Variants in CD38 observed in about 807,000 individuals in gnomAD.
The protein encoded by CD38 is CD38 molecule.
Under a neutral mutation model 36.3 loss-of-function variants are expected in CD38, and 31 were observed. That is an observed-to-expected ratio of 0.85 (90% CI 0.64 to 1.15). The LOEUF is 1.15. Among genes scored for constraint, CD38 ranks in the 50% most tolerant of loss-of-function variants. The pLI, the probability that CD38 is intolerant of heterozygous loss-of-function variation, is 0.00. For synonymous variants in CD38, 131 were observed against 135.2 expected, an observed-to-expected ratio of 0.97 and a Z score of 0.22; for missense variants, 380 against 371.9, an observed-to-expected ratio of 1.02 and a Z score of -0.18.
chr4:15,829,630 T>G (rs556517157), intron 3 of CD38, among the ~76,000 whole-genome samples: 1 of 152,316 alleles, frequency 6.6e-6, no homozygotes, highest in African/African-American at 2.4e-5. Context: ...TTTTTTAAAA[T>G]GTACAACAAA....
rs1207065009 is a variant in CD38 at position 15,788,215 on chromosome 4, A to G, written c.233+9568A>G. On this transcript the variant is annotated intron_variant, in intron 1 of 7. Transcript: ENST00000226279. ...TCCTAGTACTGTGCCCATGATGGGC[A>G]TTGCTGATTGTTCAGAGCATATTGG... Among the ~76,000 whole-genome samples the G allele has an allele frequency of 2.6e-5, 4 of 152,188 alleles. No homozygotes were observed. The East Asian group carries it at 7.7e-4, about 29-fold the overall frequency.
At chr4:15,809,988 C>T (rs1355083669) in intron 1 of CD38, among the ~76,000 whole-genome samples, 1 of 152,100 alleles carries the variant, frequency 6.6e-6, no homozygotes, top group African/African-American at 2.4e-5. Context: ...TTCATAAAAC[C>T]TGCCCCCAGA....
chr4:15,787,694 C>T (rs3775955), intron 1 of CD38, among the ~76,000 whole-genome samples: 65,118 of 152,024 alleles, frequency 0.43, 16,070 homozygotes, highest in African/African-American at 0.69. Flanking sequence ...GCCGGGTCTG[C>T]CCTGCAGACC....
chr4:15,807,469 T>C (rs1723366884), intron 1 of CD38, among the ~76,000 whole-genome samples: 1 of 152,228 alleles, frequency 6.6e-6, no homozygotes, highest in African/African-American at 2.4e-5. Context: ...TGTCTGATGC[T>C]GGTGTCCCAT....
intron 2 of CD38, among the ~76,000 whole-genome samples, chr4:15,818,403 G>A (rs1723653362): frequency 6.6e-6 from 1 of 152,156 alleles, no homozygotes; most frequent in South Asian, 2.1e-4. Flanking sequence ...GCAGCTGTGG[G>A]CACAGCTTCA....
intron 2 of CD38, among the ~76,000 whole-genome samples, chr4:15,822,277 C>G (rs554738440): frequency 6.6e-6 from 1 of 152,102 alleles, no homozygotes; most frequent in South Asian, 2.1e-4. Flanking sequence ...CCTTGAAAAC[C>G]GGCACAAGAC....
intron 1 of CD38, 97 bp from the exon 2 acceptor site, chr4:15,816,414 T>G: frequency 2.9e-6 from 3 of 1,040,298 alleles, no homozygotes; most frequent in Non-Finnish European, 2.8e-6. Flanking sequence ...TGGCATATAA[T>G]AGATGCTTCC....
Position 15,840,009 on chromosome 4 carries a change from TGTTTC to T in CD38, c.660-16_660-12del. The T allele has an allele frequency of 1.3e-6, 2 of 1,591,050 alleles. No homozygotes were observed. The highest frequency in any genetic ancestry group is 1.7e-6 in the Non-Finnish European group (2 of 1,158,972). ...TTTGGGGTTGATGTTTGGGGTTCTT[TGTTTC>T]TTCTATTTTAGCACTTTTGGGAGTG... On this transcript the variant is annotated splice_polypyrimidine_tract_variant and intron_variant, in intron 5 of 7. Transcript: ENST00000226279.
intron 2 of CD38, among the ~76,000 whole-genome samples, chr4:15,817,619 G>C (rs2148922510): frequency 6.6e-6 from 1 of 152,310 alleles, no homozygotes; most frequent in South Asian, 2.1e-4. Flanking sequence ...CATTTTACAG[G>C]TGTAGAAAGT....
At chr4:15,822,230 A>G (rs1274561827) in intron 2 of CD38, among the ~76,000 whole-genome samples, 1 of 152,124 alleles carries the variant, frequency 6.6e-6, no homozygotes, top group Non-Finnish European at 1.5e-5. Flanking sequence ...ACCCACAAGC[A>G]ATATCATACT....
At chr4:15,824,388 A>G (rs1723801905) in intron 2 of CD38, among the ~76,000 whole-genome samples, 2 of 152,076 alleles carry the variant, frequency 1.3e-5, no homozygotes, top group South Asian at 2.1e-4. Flanking sequence ...GACTCCCTGT[A>G]CCTTTAAGAG....
In CD38 at chr4:15,778,603, C is replaced by G. The variant is rs1423396928; in HGVS notation, c.189C>G (p.Val63=). The change falls in exon 1 of 8, where the codon GTC becomes GTG. Residue 63 remains valine, a synonymous_variant. Coordinates refer to ENST00000226279, the MANE Select transcript of CD38 (RefSeq NM_001775.4). This position sits in a 1 kb window ranked among gnomAD's most constrained non-coding sequence, Gnocchi z 4.9. The part of the protein sequence containing the change: ...PGTTKRFPET[V]LARCVKYTEI... ...CCACCAAGCGCTTTCCCGAGACCGTCCTGGCGCGATGCGTCAAGTACACTG... is the reference window on the plus strand; with the variant it reads ...CCACCAAGCGCTTTCCCGAGACCGTGCTGGCGCGATGCGTCAAGTACACTG... The G allele has an allele frequency of 1.9e-6, 3 of 1,613,760 alleles. No homozygotes were observed. Among genetic ancestry groups the G allele is most frequent in the Non-Finnish European group, 2.5e-6 (3 of 1,179,968 alleles).
intron 1 of CD38, among the ~76,000 whole-genome samples, chr4:15,815,848 C>T (rs142355511): frequency 4.6e-5 from 7 of 152,108 alleles, no homozygotes; most frequent in East Asian, 3.8e-4. Context: ...TGCCACTTTT[C>T]GATAGGAATG....
At chr4:15,834,116 C>A in intron 3 of CD38, 101 bp from the exon 4 acceptor site, 1 of 753,910 alleles carries the variant, frequency 1.3e-6, no homozygotes, top group Non-Finnish European at 2.4e-6. Flanking sequence ...GGCAGTGACA[C>A]ATTGGAAAAT....
chr4:15,816,081 T>C (rs1723588259), intron 1 of CD38, among the ~76,000 whole-genome samples: 1 of 152,206 alleles, frequency 6.6e-6, no homozygotes, highest in African/African-American at 2.4e-5. Flanking sequence ...GATTTGTGTA[T>C]GTTGAACCAG....
intron 3 of CD38, among the ~76,000 whole-genome samples, chr4:15,826,693 C>T (rs141807273): frequency 1.4e-4 from 21 of 151,864 alleles, no homozygotes; most frequent in African/African-American, 4.3e-4. Context: ...ATCACTTGAG[C>T]CCAGTAGTTT....
At chr4:15,782,032 G>A (rs1343105607) in intron 1 of CD38, among the ~76,000 whole-genome samples, 1 of 152,162 alleles carries the variant, frequency 6.6e-6, no homozygotes, top group South Asian at 2.1e-4. Flanking sequence ...CACTTAACAC[G>A]ATGGCTCCTG....
At chr4:15,802,476 C>A (rs1723247793) in intron 1 of CD38, among the ~76,000 whole-genome samples, 1 of 144,696 alleles carries the variant, frequency 6.9e-6, no homozygotes, top group African/African-American at 2.5e-5. Flanking sequence ...CCCCAAATAG[C>A]CAAAGCAATT....
intron 1 of CD38, among the ~76,000 whole-genome samples, chr4:15,808,841 A>G (rs780020855): frequency 3.9e-5 from 6 of 152,204 alleles, no homozygotes; most frequent in Non-Finnish European, 7.3e-5. Context: ...AAAAAGAGCT[A>G]TTCAAGAAAA....
Sources: gnomAD v4.1 joint callset for allele counts (sites outside exome capture counted in the v4.1 genomes callset) on GRCh38, gnomAD v4.1.1 for gene constraint, Gnocchi (gnomAD v3.1) non-coding constraint, MANE v1.5 for transcripts, NCBI Gene and HGNC (gene_info 2026-07-23, HGNC 2026-07-21) for gene names.